The following CCNB3 variants were observed in gnomAD, a reference collection of about 807,000 sequenced individuals.
CCNB3 encodes the protein G2/mitotic-specific cyclin-B3.
CCNB3 carries 12 observed loss-of-function variants against 68.0 expected under a neutral mutation model. The observed-to-expected ratio is 0.18, with a 90% CI of 0.11 to 0.29. CCNB3 has a LOEUF of 0.29. Among genes scored for constraint, CCNB3 ranks in the 10% least tolerant of loss-of-function variants. CCNB3 has a pLI of 1.00. For synonymous variants in CCNB3, 354 were observed against 388.9 expected (o/e 0.91, Z 1.06); for missense variants, 904 against 993.1 (o/e 0.91, Z 1.21).
intron 1 of CCNB3, among the ~76,000 whole-genome samples, chrX:50,226,798 TA>T (rs1935838601): frequency 1.3e-5 from 1 of 78,818 alleles, no homozygotes; most frequent in African/African-American, 5.1e-5. Flanking sequence ...GTACATAGAA[TA>T]TATATATAGA....
intron 7 of CCNB3, among the ~76,000 whole-genome samples, chrX:50,313,204 C>T (rs1921558595): frequency 9.0e-6 from 1 of 110,913 alleles, no homozygotes; most frequent in African/African-American, 3.3e-5. Context: ...ACAGATGGGA[C>T]CAAGATTATC....
chrX:50,226,866 T>A (rs1486304153), intron 1 of CCNB3, among the ~76,000 whole-genome samples: 5 of 76,083 alleles, frequency 6.6e-5, no homozygotes, highest in Non-Finnish European at 1.1e-4. Context: ...ATATATAGAA[T>A]ATATAGAATA....
Position 50,309,569 on chromosome X carries a change from T to G in CCNB3, c.1400T>G (p.Phe467Cys), listed in dbSNP as rs1557214245. Residue 467 changes from phenylalanine to cysteine, a missense_variant, in exon 6 of 13, where the codon TTT (phenylalanine) becomes TGT (cysteine). Transcript: ENST00000376042. The part of the protein sequence containing the change: ...LLKSPTEESP[F>C]DEALAFTKKC... ...AAGTCTCCAACTGAGGAGTCACCTT[T>G]TGATGAGGCTTTGGCTTTTACAAAG... 7.4e-6 allele frequency: 9 copies of G among 1,209,165 alleles called. No homozygotes were observed. Among genetic ancestry groups the G allele is most frequent in the Middle Eastern group, 2.3e-4 (1 of 4,349 alleles).
chrX:50,338,030 C>T (rs1470108246), intron 8 of CCNB3, among the ~76,000 whole-genome samples: 1 of 112,104 alleles, frequency 8.9e-6, no homozygotes, highest in Non-Finnish European at 1.9e-5. Context: ...CCAGTTCCTT[C>T]CTGGTGTTCA....
chrX:50,223,206 A>G (rs1935700365), intron 1 of CCNB3, among the ~76,000 whole-genome samples: 1 of 110,961 alleles, frequency 9.0e-6, no homozygotes, highest in Admixed American at 9.7e-5. Context: ...TTGGGTTAGA[A>G]CATGCTCCTT....
Position 50,331,906 on chromosome X carries a change from A to G in CCNB3, c.3517-10296A>G, listed in dbSNP as rs538720959. Among the ~76,000 whole-genome samples the G allele has an allele frequency of 4.9e-4, 54 of 111,318 alleles. 1 individual carries two copies. Among genetic ancestry groups the G allele is most frequent in the African/African-American group, 1.7e-3 (53 of 30,683 alleles). On this transcript the variant is annotated intron_variant, in intron 8 of 12. Transcript: ENST00000376042. ...GTTATTACCAGCTCTAAGGGGTTAC[A>G]TTGTCCCTTAGTACAGGAAGAGCCA...
Position 50,308,530 on chromosome X carries a change from G to C in CCNB3, c.361G>C (p.Val121Leu), listed in dbSNP as rs922827412. ...KWHKLEVTPV[V>L]ASTTVVPNIM... ...GCATAAGCTGGAAGTCACACCAGTA[G>C]TAGCCTCTACTACCGTGGTACCAAA... The change falls in exon 6 of 13, where the codon GTA becomes CTA. Residue 121 changes from valine to leucine, a missense_variant. Physicochemically the swap from Val to Leu is conservative, Grantham distance 32. Transcript: ENST00000376042. The C allele has an allele frequency of 2.2e-5, 27 of 1,202,608 alleles. No individual in the cohort carries two copies. Among genetic ancestry groups the C allele is most frequent in the Non-Finnish European group, 2.9e-5 (26 of 890,412 alleles).
Position 50,309,605 on chromosome X carries a change from T to C in CCNB3, c.1436T>C (p.Ile479Thr), listed in dbSNP as rs1921289992. ...EALAFTKKCT[I>T]EEAPPTKKPL... ...TTGGCTTTTACAAAGAAGTGTACCATTGAGGAGGCACCCCCCACCAAGAAG... is the reference window on the plus strand; with the variant it reads ...TTGGCTTTTACAAAGAAGTGTACCACTGAGGAGGCACCCCCCACCAAGAAG... The change falls in exon 6 of 13, where the codon ATT becomes ACT. Residue 479 changes from isoleucine to threonine, a missense_variant. Ile to Thr is a moderately conservative substitution (Grantham distance 89). Transcript: ENST00000376042. 8.3e-7 allele frequency: 1 copy of C among 1,208,893 alleles called. No individual in the cohort carries two copies. Among genetic ancestry groups the C allele is most frequent in the Non-Finnish European group, 1.1e-6 (1 of 894,890 alleles).
chrX:50,311,547 T>C, intron 6 of CCNB3, 51 bp downstream of exon 6: 2 of 906,680 alleles, frequency 2.2e-6, no homozygotes, highest in Non-Finnish European at 3.0e-6. Context: ...TTTGATATCC[T>C]GGAGGTGGCT....
intron 1 of CCNB3, among the ~76,000 whole-genome samples, chrX:50,228,758 AAT>A (rs1267986621): frequency 6.6e-4 from 48 of 72,425 alleles, no homozygotes; most frequent in African/African-American, 2.2e-3. Flanking sequence ...AATATATAGA[AAT>A]ATATATATAG....
intron 8 of CCNB3, among the ~76,000 whole-genome samples, chrX:50,341,267 T>C (rs1923114697): frequency 9.3e-6 from 1 of 107,894 alleles, no homozygotes; most frequent in African/African-American, 3.4e-5. Context: ...GAGGCGGAGC[T>C]TGCAGTGAGC....
At chrX:50,226,723 T>C (rs1185132089) in intron 1 of CCNB3, among the ~76,000 whole-genome samples, 1 of 80,075 alleles carries the variant, frequency 1.2e-5, no homozygotes, top group Non-Finnish European at 2.2e-5. Flanking sequence ...GTACACAGAA[T>C]ATACATATGA....
chrX:50,217,159 CT>C (rs1244057329), intron 1 of CCNB3, among the ~76,000 whole-genome samples: 8 of 105,313 alleles, frequency 7.6e-5, no homozygotes, highest in South Asian at 4.2e-4. Context: ...TCTTTTGTAC[CT>C]TTTTTTTTAA....
Position 50,309,041 on chromosome X carries a change from C to T in CCNB3, c.872C>T (p.Thr291Ile). 8.3e-7 allele frequency: 1 copy of T among 1,210,646 alleles called. No homozygotes were observed. Among genetic ancestry groups the T allele is most frequent in the Non-Finnish European group, 1.1e-6 (1 of 894,970 alleles). The change falls in exon 6 of 13, where the codon ACC becomes ATC. Residue 291 changes from threonine to isoleucine, a missense_variant. By Grantham distance (89) the Thr-to-Ile change is moderately conservative. This residue lies in a region of CCNB3 where 619 missense variants were observed against 609.8 expected (regional missense o/e 1.02). Coordinates refer to ENST00000376042, the MANE Select transcript of CCNB3 (RefSeq NM_033031.3). ...TTATCATCTTTAAAGAAGAAATGTA[C>T]CATTTATGGGAAGATATGCCACTTT... Reference protein sequence around the residue: ...HKLSSLKKKCTIYGKICHFRK... With the variant: ...HKLSSLKKKCIIYGKICHFRK...
intron 1 of CCNB3, among the ~76,000 whole-genome samples, chrX:50,279,207 A>G (rs1211586570): frequency 5.3e-4 from 1 of 1,880 alleles, no homozygotes; most frequent in Non-Finnish European, 0.024. Flanking sequence ...ATAAATATAT[A>G]GAGTATATAT....
intron 5 of CCNB3, among the ~76,000 whole-genome samples, chrX:50,304,309 A>G (rs1936711474): frequency 9.0e-6 from 1 of 111,478 alleles, no homozygotes; most frequent in Non-Finnish European, 1.9e-5. Context: ...TGTTTTGACT[A>G]TTTTGGGTTC....
chrX:50,349,414 G>A (rs1396927201), intron 11 of CCNB3, among the ~76,000 whole-genome samples: 1 of 112,245 alleles, frequency 8.9e-6, no homozygotes, highest in Non-Finnish European at 1.9e-5. Flanking sequence ...GCATTGAAGG[G>A]TTTTTAGGCA....
At chrX:50,211,020 G>A (rs1935473974) in intron 1 of CCNB3, among the ~76,000 whole-genome samples, 1 of 111,406 alleles carries the variant, frequency 9.0e-6, no homozygotes, top group Non-Finnish European at 1.9e-5. Context: ...GCAGCACTTT[G>A]GGAGGCCAAG....
At chrX:50,324,589 A>G (rs1557217048) in intron 8 of CCNB3, among the ~76,000 whole-genome samples, 1 of 112,108 alleles carries the variant, frequency 8.9e-6, no homozygotes, top group Non-Finnish European at 1.9e-5. Flanking sequence ...ATGGGTAAAT[A>G]TATACCTTTT....
Sources: gnomAD v4.1 joint callset for allele counts (sites outside exome capture counted in the v4.1 genomes callset) on GRCh38, gnomAD v4.1.1 for gene constraint, gnomAD v4.1.1 regional missense constraint, MANE v1.5 for transcripts, NCBI Gene and HGNC (gene_info 2026-07-23, HGNC 2026-07-21) for gene names.